Variants in NRXN1 observed in about 807,000 individuals in gnomAD.
The protein encoded by NRXN1 is neurexin-1.
Under a neutral mutation model 150.9 loss-of-function variants are expected in NRXN1, and 39 were observed. That is an observed-to-expected ratio of 0.26 (90% CI 0.20 to 0.34). The LOEUF is 0.34. NRXN1 is among the 10% of genes least tolerant of loss of function. NRXN1 has a pLI of 1.00. For missense variants in NRXN1, 1,815 were observed against 1,949.9 expected, an observed-to-expected ratio of 0.93 and a Z score of 1.30; for synonymous variants, 924 against 757.0, an observed-to-expected ratio of 1.22 and a Z score of -3.62.
At position 50,722,179 on chromosome 2, in the gene NRXN1, C is replaced by T. The variant is rs912355865; in HGVS notation, c.833-98564G>A. Among the ~76,000 whole-genome samples the T allele has an allele frequency of 2.2e-4, 34 of 152,072 alleles. 1 individual carries two copies. The highest frequency in any genetic ancestry group is 7.5e-4 in the African/African-American group (31 of 41,402). On this transcript the variant is annotated intron_variant, in intron 5 of 22. Transcript: ENST00000401669. ...TTCTGAAGCTATAATTTGGGCATCT[C>T]CCTATCATTTACTGCATTATTTCTA...
intron 16 of NRXN1, among the ~76,000 whole-genome samples, chr2:50,471,342 G>A (rs1023719230): frequency 2.0e-5 from 3 of 151,742 alleles, no homozygotes; most frequent in Non-Finnish European, 4.4e-5. Flanking sequence ...ACTTATAAGT[G>A]AGTAACATGA....
At chr2:50,496,545 CAT>C (rs1335093817) in intron 14 of NRXN1, among the ~76,000 whole-genome samples, 8 of 152,268 alleles carry the variant, frequency 5.3e-5, no homozygotes, top group Admixed American at 3.3e-4. Flanking sequence ...CCCTGCTCCA[CAT>C]GTTTTTCTAA....
At chr2:50,074,202 T>C (rs1252923514) in intron 19 of NRXN1, among the ~76,000 whole-genome samples, 2 of 152,152 alleles carry the variant, frequency 1.3e-5, no homozygotes, top group Non-Finnish European at 2.9e-5. Flanking sequence ...ACATTTTATA[T>C]TATCACTATA....
At chr2:50,657,542 T>A (rs1243107358) in intron 5 of NRXN1, among the ~76,000 whole-genome samples, 2 of 152,000 alleles carry the variant, frequency 1.3e-5, no homozygotes, top group African/African-American at 4.8e-5. Context: ...GCCATACTCA[T>A]GATAAGCAGT....
chr2:50,297,332 G>A (rs1257021712), intron 17 of NRXN1, among the ~76,000 whole-genome samples: 2 of 152,134 alleles, frequency 1.3e-5, no homozygotes, highest in African/African-American at 4.8e-5. Flanking sequence ...TGGCAATTTG[G>A]CTATGAATAC....
intron 5 of NRXN1, among the ~76,000 whole-genome samples, chr2:50,849,022 ATGTC>A (rs1196643402): frequency 8.5e-5 from 13 of 152,322 alleles, no homozygotes; most frequent in East Asian, 1.9e-4. Context: ...CTTGACAGAA[ATGTC>A]TGTCTGTCTT....
At chr2:50,778,454 G>T (rs1381942010) in intron 5 of NRXN1, among the ~76,000 whole-genome samples, 2 of 152,124 alleles carry the variant, frequency 1.3e-5, no homozygotes, top group Non-Finnish European at 2.9e-5. Context: ...CACTGTTCGA[G>T]AATAACAATA....
At chr2:50,913,752 AACAAG>A (rs1361402225) in intron 5 of NRXN1, among the ~76,000 whole-genome samples, 1 of 151,750 alleles carries the variant, frequency 6.6e-6, no homozygotes, top group Non-Finnish European at 1.5e-5. Context: ...GTACATGGCA[AACAAG>A]CCAAACAGAA....
chr2:50,117,774 G>GAAA (rs59049470), intron 18 of NRXN1, among the ~76,000 whole-genome samples: 1 of 133,236 alleles, frequency 7.5e-6, no homozygotes, highest in African/African-American at 2.7e-5. Context: ...CAGGCTGTCA[G>GAAA]AAAAAAAAAA....
intron 17 of NRXN1, among the ~76,000 whole-genome samples, chr2:50,322,907 TCTC>T (rs2076143835): frequency 6.6e-6 from 1 of 152,166 alleles, no homozygotes; most frequent in South Asian, 2.1e-4. Context: ...TGATGATCTC[TCTC>T]CTAACTGTAA....
intron 12 of NRXN1, among the ~76,000 whole-genome samples, chr2:50,515,700 C>T (rs1229187006): frequency 6.7e-6 from 1 of 149,444 alleles, no homozygotes; most frequent in Non-Finnish European, 1.5e-5. Context: ...TCAACTTTTC[C>T]AGGTACTAAC....
chr2:50,477,485 AGACAAAT>A (rs1379725063), intron 15 of NRXN1, among the ~76,000 whole-genome samples: 1 of 152,198 alleles, frequency 6.6e-6, no homozygotes, highest in Non-Finnish European at 1.5e-5. Flanking sequence ...AACCAAAAGC[AGACAAAT>A]GACGCGGTAG....
chr2:50,372,752 A>AT (rs2080120694), intron 17 of NRXN1, among the ~76,000 whole-genome samples: 1 of 152,178 alleles, frequency 6.6e-6, no homozygotes, highest in South Asian at 2.1e-4. Context: ...TATGCAAATA[A>AT]TTTAAACAAA....
At chr2:50,083,171 A>T (rs866491636) in intron 19 of NRXN1, among the ~76,000 whole-genome samples, 4 of 152,226 alleles carry the variant, frequency 2.6e-5, no homozygotes, top group Non-Finnish European at 5.9e-5. Flanking sequence ...AACAAAGAAC[A>T]TTTCCATAAC....
intron 5 of NRXN1, among the ~76,000 whole-genome samples, chr2:50,842,594 T>C (rs1259652720): frequency 6.6e-6 from 1 of 152,212 alleles, no homozygotes; most frequent in Non-Finnish European, 1.5e-5. Context: ...ATTTATTTGC[T>C]ATACCTGGGA....
chr2:50,160,130 AACTAGT>A (rs1227992596), intron 18 of NRXN1, among the ~76,000 whole-genome samples: 1 of 152,060 alleles, frequency 6.6e-6, no homozygotes, highest in Non-Finnish European at 1.5e-5. Flanking sequence ...TGACATCAAG[AACTAGT>A]ACATAGTGAG....
intron 2 of NRXN1, among the ~76,000 whole-genome samples, chr2:50,934,657 T>C (rs1574974678): frequency 6.6e-6 from 1 of 152,212 alleles, no homozygotes; most frequent in East Asian, 1.9e-4. Context: ...TATCTTTTAA[T>C]ATCAAGCTAT....
intron 18 of NRXN1, among the ~76,000 whole-genome samples, chr2:50,147,316 A>G (rs1168129504): frequency 6.6e-6 from 1 of 151,800 alleles, no homozygotes; most frequent in Non-Finnish European, 1.5e-5. Flanking sequence ...CATATGCATT[A>G]TCTTTATCTG....
At chr2:50,507,483 T>C (rs967449305) in intron 12 of NRXN1, among the ~76,000 whole-genome samples, 2 of 151,658 alleles carry the variant, frequency 1.3e-5, no homozygotes, top group African/African-American at 4.8e-5. Context: ...GGGCATCGAG[T>C]GGGCAAGAAG....
Sources: allele counts gnomAD v4.1 joint callset (sites outside exome capture counted in the v4.1 genomes callset), GRCh38; gene constraint gnomAD v4.1.1; transcripts MANE v1.5; gene names NCBI Gene and HGNC (gene_info 2026-07-23, HGNC 2026-07-21).